Variants in SCHIP1 observed in about 807,000 individuals in gnomAD.
The protein encoded by SCHIP1 is schwannomin interacting protein 1, also known as schwannomin-interacting protein 1.
SCHIP1 carries 8 observed loss-of-function variants against 29.7 expected under a neutral mutation model. The ratio of observed to expected loss-of-function variants is 0.27; its 90% CI spans 0.16 to 0.49. The LOEUF (loss-of-function observed/expected upper bound fraction) is 0.49. SCHIP1 is among the 20% of genes least tolerant of loss of function. SCHIP1 has a pLI of 0.99. For missense variants in SCHIP1, 193 were observed against 294.6 expected, an observed-to-expected ratio of 0.66 and a Z score of 2.52; for synonymous variants, 76 against 94.9, an observed-to-expected ratio of 0.80 and a Z score of 1.16.
the SCHIP1 span, among the ~76,000 whole-genome samples, chr3:159,410,404 A>G: frequency 6.6e-6 from 1 of 152,108 alleles, no homozygotes; most frequent in Non-Finnish European, 1.5e-5. Context: ...TAACCATAAT[A>G]TATAAGGAGC....
chr3:159,502,993 C>T, the SCHIP1 span, among the ~76,000 whole-genome samples: 1 of 152,182 alleles, frequency 6.6e-6, no homozygotes, highest in Non-Finnish European at 1.5e-5. Context: ...TCCAGACCCG[C>T]CAATCAGATA....
chr3:159,637,981 C>G, the SCHIP1 span, among the ~76,000 whole-genome samples: 5 of 152,126 alleles, frequency 3.3e-5, no homozygotes, highest in Non-Finnish European at 5.9e-5. Context: ...AATGTGAACT[C>G]TTCAAAATTG....
At chr3:159,652,004 G>A in the SCHIP1 span, among the ~76,000 whole-genome samples, 27 of 152,010 alleles carry the variant, frequency 1.8e-4, no homozygotes, top group African/African-American at 6.0e-4. Context: ...GCTGAGGCGG[G>A]AGAATCATTT....
chr3:159,648,323 T>TGG, the SCHIP1 span, among the ~76,000 whole-genome samples: 1 of 152,136 alleles, frequency 6.6e-6, no homozygotes, highest in Non-Finnish European at 1.5e-5. Flanking sequence ...AGCATGACCC[T>TGG]GGGGTCAGGC....
the SCHIP1 span, among the ~76,000 whole-genome samples, chr3:159,739,400 G>A: frequency 6.6e-6 from 1 of 152,230 alleles, no homozygotes; most frequent in African/African-American, 2.4e-5. Context: ...CTTTTTCAGT[G>A]TCCACAACAG....
chr3:159,605,355 T>G, the SCHIP1 span, among the ~76,000 whole-genome samples: 2 of 152,192 alleles, frequency 1.3e-5, no homozygotes, highest in Non-Finnish European at 2.9e-5. Flanking sequence ...TCCCAGTAAT[T>G]AATTTATGGG....
At chr3:159,395,298 GT>G in the SCHIP1 span, among the ~76,000 whole-genome samples, 1 of 151,994 alleles carries the variant, frequency 6.6e-6, no homozygotes, top group Non-Finnish European at 1.5e-5. Context: ...TTTTTGAAGG[GT>G]TTTTTGTGTC....
At chr3:159,765,202 C>T in the SCHIP1 span, 1 of 1,465,750 alleles carries the variant, frequency 6.8e-7, no homozygotes, top group Non-Finnish European at 9.1e-7. Flanking sequence ...GCACAGCCCG[C>T]ACGCCCCCTC....
At chr3:159,867,626 C>T (rs1218469411) in intron 2 of SCHIP1, among the ~76,000 whole-genome samples, 1 of 152,144 alleles carries the variant, frequency 6.6e-6, no homozygotes, top group African/African-American at 2.4e-5. Flanking sequence ...CCTACACATC[C>T]CTCCAGAACT....
chr3:159,383,718 T>C, the SCHIP1 span, among the ~76,000 whole-genome samples: 1 of 140,156 alleles, frequency 7.1e-6, no homozygotes, highest in Non-Finnish European at 1.6e-5. Flanking sequence ...ATTTTCATGA[T>C]ATTGATTCTT....
chr3:159,758,759 A>T, the SCHIP1 span, among the ~76,000 whole-genome samples: 1 of 152,214 alleles, frequency 6.6e-6, no homozygotes, highest in African/African-American at 2.4e-5. Flanking sequence ...TCCCTCCTGG[A>T]GGAGACCTGT....
the SCHIP1 span, among the ~76,000 whole-genome samples, chr3:159,624,724 T>A: frequency 6.6e-6 from 1 of 152,042 alleles, no homozygotes; most frequent in Non-Finnish European, 1.5e-5. Context: ...AAGGAAGCAA[T>A]CTTGAGCTAA....
chr3:159,602,746 A>C, the SCHIP1 span, among the ~76,000 whole-genome samples: 2 of 152,006 alleles, frequency 1.3e-5, no homozygotes, highest in South Asian at 2.1e-4. Context: ...ACAAAACATC[A>C]GCCCAAGGTT....
At chr3:159,627,591 T>C in the SCHIP1 span, among the ~76,000 whole-genome samples, 3 of 152,224 alleles carry the variant, frequency 2.0e-5, no homozygotes, top group African/African-American at 4.8e-5. Flanking sequence ...TAAGTCTATC[T>C]GGCATATTCT....
the SCHIP1 span, among the ~76,000 whole-genome samples, chr3:159,624,188 A>C: frequency 6.6e-6 from 1 of 152,188 alleles, no homozygotes; most frequent in Non-Finnish European, 1.5e-5. Context: ...TTTGATCCTC[A>C]CAGCAACCCT....
chr3:159,795,867 G>T, the SCHIP1 span, among the ~76,000 whole-genome samples: 1 of 152,120 alleles, frequency 6.6e-6, no homozygotes, highest in East Asian at 1.9e-4. Flanking sequence ...TAAGAGGGAG[G>T]CTGTGGAGCA....
the SCHIP1 span, among the ~76,000 whole-genome samples, chr3:159,633,531 A>G: frequency 6.6e-6 from 1 of 152,190 alleles, no homozygotes; most frequent in Non-Finnish European, 1.5e-5. Flanking sequence ...TAAATCACAT[A>G]CAAAATTCAA....
At chr3:159,863,737 A>G (rs1337792985) in intron 1 of SCHIP1, among the ~76,000 whole-genome samples, 1 of 152,152 alleles carries the variant, frequency 6.6e-6, no homozygotes, top group African/African-American at 2.4e-5. Flanking sequence ...ACAGAGAGAG[A>G]AGGAGAGGGG....
chr3:159,892,596 C>T (rs1275917525), intron 6 of SCHIP1: 4 of 281,652 alleles, frequency 1.4e-5, no homozygotes, highest in South Asian at 1.7e-4. Context: ...AGTTCTTGAT[C>T]GCCTCTGCCA....
Sources: allele counts gnomAD v4.1 joint callset (sites outside exome capture counted in the v4.1 genomes callset), GRCh38; gene constraint gnomAD v4.1.1; transcripts MANE v1.5; gene names NCBI Gene and HGNC (gene_info 2026-07-23, HGNC 2026-07-21).